The following TMEM132B variants were observed in gnomAD, a reference collection of about 807,000 sequenced individuals.
The protein encoded by TMEM132B is transmembrane protein 132B.
Under a neutral mutation model 90.8 loss-of-function variants are expected in TMEM132B, and 18 were observed. The observed-to-expected ratio is 0.20, with a 90% CI of 0.14 to 0.29. The LOEUF is 0.29. TMEM132B is among the 10% of genes least tolerant of loss of function. The probability of loss-of-function intolerance (pLI) is 1.00; values close to 1 mark genes in which losing one functional copy is unlikely to be tolerated. For missense variants in TMEM132B, 1,096 were observed against 1,326.8 expected (o/e 0.83, Z 2.70); for synonymous variants, 504 against 523.3 (o/e 0.96, Z 0.50).
chr12:125,355,086 G>A (rs1877724192), intron 2 of TMEM132B, among the ~76,000 whole-genome samples: 1 of 151,828 alleles, frequency 6.6e-6, no homozygotes, highest in Admixed American at 6.6e-5. Flanking sequence ...TGCTTGTCTG[G>A]TTGGGGACTG....
At chr12:125,468,542 A>T (rs1410417563) in intron 3 of TMEM132B, among the ~76,000 whole-genome samples, 2 of 152,190 alleles carry the variant, frequency 1.3e-5, no homozygotes, top group Non-Finnish European at 2.9e-5. Flanking sequence ...CCCATAGTGT[A>T]TGTGGCTTTG....
chr12:125,551,870 A>G (rs78239551), intron 4 of TMEM132B, among the ~76,000 whole-genome samples: 5,366 of 152,214 alleles, frequency 0.035, 292 homozygotes, highest in African/African-American at 0.11. Context: ...CATTGTTTTC[A>G]TGGTCCTGGT....
rs777788819 is a variant in TMEM132B, at chr12:125,460,229, G to A, written c.1106+44552G>A. ...AAGCTGGCAGGGCACGGTGGCTCACGCCTGTAATCCCAGCACTTTGGGAGG... is the reference window on the plus strand; with the variant it reads ...AAGCTGGCAGGGCACGGTGGCTCACACCTGTAATCCCAGCACTTTGGGAGG... On this transcript the variant is annotated intron_variant, in intron 3 of 8. Transcript: ENST00000682704. This position sits in a 1 kb window ranked among gnomAD's most constrained non-coding sequence, Gnocchi z 4.4. Among the ~76,000 whole-genome samples the A allele has an allele frequency of 2.6e-5, 4 of 152,272 alleles. No individual in the cohort carries two copies. The highest frequency in any genetic ancestry group is 1.9e-4 in the East Asian group (1 of 5,178).
At chr12:125,194,387 G>A (rs1241957485) in intron 1 of TMEM132B, among the ~76,000 whole-genome samples, 1 of 152,026 alleles carries the variant, frequency 6.6e-6, no homozygotes, top group Non-Finnish European at 1.5e-5. Context: ...GCCTCCTGCC[G>A]GGGCTCTCAA....
At position 125,654,874 on chromosome 12, in the gene TMEM132B, C is replaced by T. The variant is rs1887022588; in HGVS notation, c.*164C>T. ...AAAGAGGTTTGGAGAGCTATAGAAG[C>T]TGGGTTTTAAGTTTGGAAATGCCTC... is the stretch of plus-strand genomic sequence containing the variant. On this transcript the variant is annotated 3_prime_UTR_variant, in exon 9 of 9. Transcript: ENST00000682704. The surrounding 1 kb of genome is among the most constrained non-coding windows in gnomAD (Gnocchi z 5.8). The T allele has an allele frequency of 2.4e-6, 2 of 843,866 alleles. No homozygotes were observed. The highest frequency in any genetic ancestry group is 3.5e-6 in the Non-Finnish European group (2 of 565,060). 52.3% of individuals were successfully genotyped at this position (843,866 alleles called of 1,614,324 possible). A position where few individuals can be genotyped will look rare whatever the true frequency, so the allele number is the denominator to read the frequency against.
At chr12:125,510,450 GAGTC>G (rs1882949072) in intron 3 of TMEM132B, among the ~76,000 whole-genome samples, 2 of 152,304 alleles carry the variant, frequency 1.3e-5, no homozygotes, top group South Asian at 4.1e-4. Context: ...GCTGACTTAG[GAGTC>G]AGATGGAGAG....
intron 1 of TMEM132B, among the ~76,000 whole-genome samples, chr12:125,288,942 C>G (rs750889203): frequency 6.6e-6 from 1 of 152,142 alleles, no homozygotes; most frequent in Admixed American, 6.5e-5. Context: ...TGGCCAAGCT[C>G]AAAGGGCAGG....
chr12:125,509,915 G>A (rs1479837206), intron 3 of TMEM132B, among the ~76,000 whole-genome samples: 3 of 152,194 alleles, frequency 2.0e-5, no homozygotes, highest in African/African-American at 7.2e-5. Flanking sequence ...TCTCTTTAAG[G>A]AGACCTGAAT....
chr12:125,530,918 T>A (rs945860420), intron 4 of TMEM132B, among the ~76,000 whole-genome samples: 2 of 152,218 alleles, frequency 1.3e-5, no homozygotes, highest in Non-Finnish European at 2.9e-5. Context: ...ACTAGCTCAC[T>A]ATAGGTATAA....
At chr12:125,463,862 G>A (rs1881499363) in intron 3 of TMEM132B, among the ~76,000 whole-genome samples, 1 of 152,182 alleles carries the variant, frequency 6.6e-6, no homozygotes, top group South Asian at 2.1e-4. Context: ...TGCATGGCTG[G>A]AGAGGCCTCA....
At chr12:125,331,815 G>A (rs561795881) in intron 1 of TMEM132B, among the ~76,000 whole-genome samples, 1 of 152,274 alleles carries the variant, frequency 6.6e-6, no homozygotes, top group Non-Finnish European at 1.5e-5. Context: ...GTGTAGTGGT[G>A]TAATCTCAGC....
In TMEM132B at chr12:125,407,419, C is replaced by T. The variant is rs1879529786; in HGVS notation, c.960-8112C>T. 6.6e-6 allele frequency among the ~76,000 whole-genome samples: 1 copy of T among 152,216 alleles called. No individual in the cohort carries two copies. The highest frequency in any genetic ancestry group is 2.4e-5 in the African/African-American group (1 of 41,456). ...AGACAGAAAGATGCAGGTGTGTACT[C>T]ACAGAGCAGGTTTCCTTTTGCCCAG... On this transcript the variant is annotated intron_variant, in intron 2 of 8. Transcript: ENST00000682704. This position sits in a 1 kb window ranked among gnomAD's most constrained non-coding sequence, Gnocchi z 6.7.
chr12:125,546,794 G>T (rs1884104218), intron 4 of TMEM132B, among the ~76,000 whole-genome samples: 2 of 152,272 alleles, frequency 1.3e-5, no homozygotes, highest in South Asian at 4.2e-4. Flanking sequence ...ATATACCTAG[G>T]AGTGGAATTG....
At chr12:125,554,308 C>T (rs931622810) in intron 4 of TMEM132B, among the ~76,000 whole-genome samples, 1 of 150,924 alleles carries the variant, frequency 6.6e-6, no homozygotes, top group Non-Finnish European at 1.5e-5. Context: ...GCCTGTAGTC[C>T]CAGCTACTTG....
intron 3 of TMEM132B, among the ~76,000 whole-genome samples, chr12:125,491,744 G>A (rs1280129176): frequency 6.6e-6 from 1 of 152,192 alleles, no homozygotes; most frequent in Non-Finnish European, 1.5e-5. Flanking sequence ...CCACTGGCTC[G>A]ATGGATCGAT....
intron 4 of TMEM132B, among the ~76,000 whole-genome samples, chr12:125,576,741 C>T (rs1884950128): frequency 6.6e-6 from 1 of 151,796 alleles, no homozygotes; most frequent in Non-Finnish European, 1.5e-5. Context: ...CATTTTGGTC[C>T]TTTGTTCTAT....
rs148073169 is a variant in TMEM132B, at chr12:125,593,685, C to T, written c.1437+9691C>T. On this transcript the variant is annotated intron_variant, in intron 5 of 8. Transcript: ENST00000682704. ...CTCATTCATGTTTGGGTACTTGGTT[C>T]ACAATTTAGACTCCTGCCCTGCAGC... Among the ~76,000 whole-genome samples the T allele has an allele frequency of 4.2e-4, 64 of 152,222 alleles. No individual in the cohort carries two copies. The East Asian group carries it at 9.5e-3, about 22-fold the overall frequency.
Position 125,517,342 on chromosome 12 carries a change from T to G in TMEM132B, c.1107-2097T>G, listed in dbSNP as rs1320873481. On this transcript the variant is annotated intron_variant, in intron 3 of 8. Coordinates refer to ENST00000682704, the MANE Select transcript of TMEM132B (RefSeq NM_001366854.1). ...TGCCCTGCTGATTTTTTTTTTTTTT[T>G]TTTTTTTTTTTTTTTTTTTTTTTGC... 2.3e-4 allele frequency among the ~76,000 whole-genome samples: 9 copies of G among 38,830 alleles called. 2 individuals carry two copies. In the East Asian group the frequency reaches 0.018, roughly 76 times the overall value. 25.5% of individuals were successfully genotyped at this position (38,830 alleles called of 152,430 possible).
chr12:125,357,314 G>A (rs1877811247), intron 2 of TMEM132B, among the ~76,000 whole-genome samples: 2 of 152,190 alleles, frequency 1.3e-5, no homozygotes, highest in Non-Finnish European at 2.9e-5. Flanking sequence ...GGCTATGCCA[G>A]TGTATCCTAA....
Sources: allele counts gnomAD v4.1 joint callset (sites outside exome capture counted in the v4.1 genomes callset), GRCh38; gene constraint gnomAD v4.1.1; non-coding constraint Gnocchi (gnomAD v3.1); transcripts MANE v1.5; gene names NCBI Gene and HGNC (gene_info 2026-07-23, HGNC 2026-07-21).